Variants in ACBD7 observed in about 807,000 individuals in gnomAD.
ACBD7 encodes acyl-CoA-binding domain-containing protein 7.
ACBD7 carries 11 observed loss-of-function variants against 13.7 expected under a neutral mutation model. That is an observed-to-expected ratio of 0.80 (90% confidence interval 0.50 to 1.33). The LOEUF (loss-of-function observed/expected upper bound fraction) is 1.33, where lower values mean the gene tolerates loss of function less well. Ranked by LOEUF, ACBD7 falls within the 40% of genes most tolerant of loss-of-function variation. ACBD7 has a pLI of 0.00. For synonymous variants in ACBD7, 43 were observed against 37.7 expected, an observed-to-expected ratio of 1.14 and a Z score of -0.51; for missense variants, 111 against 103.0, an observed-to-expected ratio of 1.08 and a Z score of -0.33.
At chr10:15,078,871 TAATATATTAATTGTAACATATG>T in intron 2 of ACBD7, 30 bp downstream of exon 2, 1 of 1,223,624 alleles carries the variant, frequency 8.2e-7, no homozygotes, top group Non-Finnish European at 1.1e-6. Flanking sequence ...TAATCGCAAT[TAATATATTAATTGTAACATATG>T]AATATATTAA....
chr10:15,084,998 T>C (rs1024128156), intron 1 of ACBD7, among the ~76,000 whole-genome samples: 1 of 152,212 alleles, frequency 6.6e-6, no homozygotes, highest in Non-Finnish European at 1.5e-5. Context: ...CCAGACCCTA[T>C]TCTCCTGCCT....
Position 15,076,323 on chromosome 10 carries a change from A to G in ACBD7, c.*2207T>C. 3 of 984,968 alleles carry G rather than the reference A, an allele frequency of 3.0e-6. No homozygotes were observed. The allele number at this position is 984,968 out of a possible 1,614,324, so 61.0% of individuals were successfully genotyped here. The stretch of plus-strand genomic sequence containing the variant: ...GTAGGGGGCCAATATTATATTCCAG[A>G]CTCTATTTTTACTCAGATAGAACTG... On this transcript the variant is annotated 3_prime_UTR_variant, in exon 4 of 4. Coordinates refer to ENST00000356189, the MANE Select transcript of ACBD7 (RefSeq NM_001039844.3).
intron 1 of ACBD7, 125 bp from the exon 2 acceptor site, chr10:15,079,165 C>A: frequency 2.1e-6 from 1 of 475,390 alleles, no homozygotes; most frequent in Non-Finnish European, 3.7e-6. Flanking sequence ...CTATCAGAAT[C>A]ATCTTAATTT....
chr10:15,085,962 T>C (rs1324144272), intron 1 of ACBD7, among the ~76,000 whole-genome samples: 1 of 152,166 alleles, frequency 6.6e-6, no homozygotes, highest in Non-Finnish European at 1.5e-5. Context: ...AGTGAGGTAA[T>C]AAAGACAGAA....
chr10:15,080,665 C>T (rs1049782038), intron 1 of ACBD7, among the ~76,000 whole-genome samples: 17 of 152,138 alleles, frequency 1.1e-4, no homozygotes, highest in Admixed American at 6.5e-4. Flanking sequence ...TCCCTAACCC[C>T]GCAAGACCCT....
chr10:15,076,598 G>A lies in ACBD7; in HGVS notation c.*1932C>T. 1.5e-6 allele frequency: 1 copy of A among 675,668 alleles called. No homozygotes were observed. 41.9% of individuals were successfully genotyped at this position (675,668 alleles called of 1,614,324 possible). On this transcript the variant is annotated 3_prime_UTR_variant, in exon 4 of 4. Coordinates refer to ENST00000356189, the MANE Select transcript of ACBD7 (RefSeq NM_001039844.3). ...GCTCACTGCAACCTCCATCTCCTGG[G>A]TAAAAGCAATTCTCCTGCCTCAGCC...
intron 1 of ACBD7, chr10:15,088,482 G>A: frequency 1.7e-6 from 1 of 580,982 alleles, no homozygotes; most frequent in Non-Finnish European, 2.9e-6. Flanking sequence ...TGCCTTGCCT[G>A]CTTTTCCGCT....
At chr10:15,081,405 A>G (rs904209791) in intron 1 of ACBD7, among the ~76,000 whole-genome samples, 1 of 152,236 alleles carries the variant, frequency 6.6e-6, no homozygotes, top group Admixed American at 6.5e-5. Flanking sequence ...TAATCACTGC[A>G]GCACCTGGAC....
At chr10:15,082,570 C>T (rs1467156662) in intron 1 of ACBD7, among the ~76,000 whole-genome samples, 2 of 152,156 alleles carry the variant, frequency 1.3e-5, no homozygotes, top group African/African-American at 2.4e-5. Flanking sequence ...ACATGAGTGG[C>T]TGAGCTGCTT....
chr10:15,083,139 G>T (rs1844769201), intron 1 of ACBD7, among the ~76,000 whole-genome samples: 1 of 152,202 alleles, frequency 6.6e-6, no homozygotes, highest in Non-Finnish European at 1.5e-5. Context: ...CATTTCAGGG[G>T]TCCCCGCTCT....
chr10:15,084,580 C>A (rs749313056), intron 1 of ACBD7, among the ~76,000 whole-genome samples: 1 of 152,298 alleles, frequency 6.6e-6, no homozygotes, highest in East Asian at 1.9e-4. Context: ...GACTCAAGAT[C>A]CCTGTTACAG....
intron 1 of ACBD7, 121 bp downstream of exon 1, chr10:15,088,596 T>G: frequency 7.5e-7 from 1 of 1,334,730 alleles, no homozygotes; most frequent in African/African-American, 1.5e-5. Context: ...GGGGAAGGAG[T>G]GGGCGTGTCC....
At chr10:15,082,607 T>C (rs78106675) in intron 1 of ACBD7, among the ~76,000 whole-genome samples, 7,689 of 152,248 alleles carry the variant, frequency 0.051, 243 homozygotes, top group Middle Eastern at 0.11. Context: ...AGAAGGGGTG[T>C]AGGACCTTCC....
intron 1 of ACBD7, chr10:15,088,384 C>A (rs2131401071): frequency 2.1e-6 from 1 of 468,052 alleles, no homozygotes; most frequent in Non-Finnish European, 3.8e-6. Context: ...CCTGGAGGTC[C>A]CAACGAGCGA....
intron 1 of ACBD7, among the ~76,000 whole-genome samples, chr10:15,083,032 G>A (rs369843544): frequency 4.6e-5 from 7 of 151,874 alleles, no homozygotes; most frequent in East Asian, 1.9e-4. Flanking sequence ...GCAAGACTCC[G>A]TCTCAAAAAA....
chr10:15,082,118 C>A (rs1430483286), intron 1 of ACBD7, among the ~76,000 whole-genome samples: 1 of 151,986 alleles, frequency 6.6e-6, no homozygotes, highest in Non-Finnish European at 1.5e-5. Context: ...AGAAACCCGT[C>A]TCTACTGAAA....
intron 1 of ACBD7, among the ~76,000 whole-genome samples, chr10:15,086,770 T>C (rs994449839): frequency 7.9e-5 from 12 of 151,830 alleles, no homozygotes; most frequent in Non-Finnish European, 1.2e-4. Flanking sequence ...TCCAAGCACT[T>C]TGGGAGGCTG....
At chr10:15,087,247 T>G (rs2131400004) in intron 1 of ACBD7, among the ~76,000 whole-genome samples, 1 of 152,338 alleles carries the variant, frequency 6.6e-6, no homozygotes, top group Middle Eastern at 3.4e-3. Flanking sequence ...TGCCAAACAT[T>G]GTTTTAAATG....
At chr10:15,079,505 C>A (rs539146215) in intron 1 of ACBD7, among the ~76,000 whole-genome samples, 5 of 151,702 alleles carry the variant, frequency 3.3e-5, no homozygotes, top group African/African-American at 4.8e-5. Flanking sequence ...GAACTCCTGA[C>A]CTCAAGTGAT....
Sources: gnomAD v4.1 joint callset for allele counts (sites outside exome capture counted in the v4.1 genomes callset) on GRCh38, gnomAD v4.1.1 for gene constraint, MANE v1.5 for transcripts, NCBI Gene and HGNC (gene_info 2026-07-23, HGNC 2026-07-21) for gene names.